The following GPR158 variants were observed in gnomAD, a reference collection of about 807,000 sequenced individuals.
GPR158 encodes the protein metabotropic glycine receptor.
In GPR158, 30 loss-of-function variants were observed where a neutral mutation model predicts 78.2. The observed-to-expected ratio is 0.38, with a 90% CI of 0.29 to 0.52. The LOEUF is 0.52. Among genes scored for constraint, GPR158 ranks in the 20% least tolerant of loss-of-function variants. GPR158 has a pLI of 0.83. For synonymous variants in GPR158, 581 were observed against 591.1 expected (o/e 0.98, Z 0.25); for missense variants, 1,463 against 1,523.5 (o/e 0.96, Z 0.66).
At chr10:25,202,815 T>C (rs1338988505) in intron 1 of GPR158, among the ~76,000 whole-genome samples, 1 of 152,174 alleles carries the variant, frequency 6.6e-6, no homozygotes, top group African/African-American at 2.4e-5. Flanking sequence ...TTCTAGATCC[T>C]TGAGGAATCA....
Position 25,175,749 on chromosome 10 carries a change from G to T in GPR158, c.329G>T (p.Gly110Val). ...CGCTACGAGTTGGCGGGCCTGCCGGGGAAGTGGCCAGCCCTGGCCAGCGCG... is the reference window on the plus strand; with the variant it reads ...CGCTACGAGTTGGCGGGCCTGCCGGTGAAGTGGCCAGCCCTGGCCAGCGCG... ...SGRYELAGLP[G>V]KWPALASAHP... The change falls in exon 1 of 11, where the codon GGG becomes GTG. Residue 110 changes from glycine to valine, a missense_variant. Gly to Val is a moderately radical substitution (Grantham distance 109). Coordinates refer to ENST00000376351, the MANE Select transcript of GPR158 (RefSeq NM_020752.3). This position sits in a 1 kb window ranked among gnomAD's most constrained non-coding sequence, Gnocchi z 6.4. 2 of 1,611,450 alleles carry T rather than the reference G, an allele frequency of 1.2e-6. No homozygotes were observed. The highest frequency in any genetic ancestry group is 1.1e-5 in the South Asian group (1 of 91,062).
At chr10:25,449,617 T>A (rs1588869784) in intron 4 of GPR158, among the ~76,000 whole-genome samples, 1 of 152,218 alleles carries the variant, frequency 6.6e-6, no homozygotes, top group African/African-American at 2.4e-5. Context: ...TGGAAGATGT[T>A]GGTCAAAGGA....
At chr10:25,424,350 G>T (rs1403360213) in intron 4 of GPR158, among the ~76,000 whole-genome samples, 1 of 152,024 alleles carries the variant, frequency 6.6e-6, no homozygotes, top group African/African-American at 2.4e-5. Context: ...CTGATGGCAT[G>T]GCAGTTTCTT....
At chr10:25,536,246 TAAAG>T (rs1452039221) in intron 5 of GPR158, among the ~76,000 whole-genome samples, 2 of 152,268 alleles carry the variant, frequency 1.3e-5, no homozygotes, top group South Asian at 2.1e-4. Flanking sequence ...ATTTCTTTAT[TAAAG>T]AAAATTCATT....
intron 5 of GPR158, among the ~76,000 whole-genome samples, chr10:25,497,264 G>A (rs1281384181): frequency 6.6e-6 from 1 of 152,096 alleles, no homozygotes; most frequent in Non-Finnish European, 1.5e-5. Flanking sequence ...AGTGTCCTAG[G>A]GTTAAGTAAA....
At chr10:25,526,102 C>CT (rs1318529690) in intron 5 of GPR158, among the ~76,000 whole-genome samples, 1 of 36,684 alleles carries the variant, frequency 2.7e-5, no homozygotes. Flanking sequence ...CCAATTTTGT[C>CT]TAAAAAAAAA....
intron 2 of GPR158, among the ~76,000 whole-genome samples, chr10:25,281,409 C>CAAAAAAAAAA (rs749627659): frequency 2.9e-5 from 2 of 68,478 alleles, no homozygotes; most frequent in Admixed American, 1.4e-4. Flanking sequence ...ACCAAAAATA[C>CAAAAAAAAAA]AAAAAAAAAA....
At chr10:25,452,839 A>G (rs1835239760) in intron 4 of GPR158, among the ~76,000 whole-genome samples, 1 of 152,166 alleles carries the variant, frequency 6.6e-6, no homozygotes, top group Admixed American at 6.6e-5. Flanking sequence ...GAACTTATTC[A>G]TCTTATAACT....
At chr10:25,264,236 C>T (rs1291009568) in intron 2 of GPR158, among the ~76,000 whole-genome samples, 1 of 152,164 alleles carries the variant, frequency 6.6e-6, no homozygotes, top group South Asian at 2.1e-4. Context: ...ATTGATGCTG[C>T]ACATCTCCCA....
chr10:25,573,617 C>T (rs565063098), intron 7 of GPR158, among the ~76,000 whole-genome samples: 169 of 152,302 alleles, frequency 1.1e-3, no homozygotes, highest in African/African-American at 4.0e-3. Context: ...AAACTACGTC[C>T]CTAAACATAC....
intron 5 of GPR158, among the ~76,000 whole-genome samples, chr10:25,490,803 T>C (rs1033682519): frequency 2.6e-5 from 4 of 151,672 alleles, no homozygotes; most frequent in African/African-American, 9.7e-5. Flanking sequence ...TTTGGGTATA[T>C]ACCCAGTAAT....
intron 1 of GPR158, among the ~76,000 whole-genome samples, chr10:25,185,678 C>T (rs1852674232): frequency 6.6e-6 from 1 of 152,088 alleles, no homozygotes; most frequent in South Asian, 2.1e-4. Context: ...AAAAAATTAG[C>T]CAGGCGTGGT....
At chr10:25,448,312 G>T (rs533822372) in intron 4 of GPR158, among the ~76,000 whole-genome samples, 3 of 151,770 alleles carry the variant, frequency 2.0e-5, no homozygotes, top group South Asian at 2.1e-4. Flanking sequence ...GGATGGTCTC[G>T]ATCTTCTGAC....
At chr10:25,232,550 G>T (rs1279386959) in intron 2 of GPR158, among the ~76,000 whole-genome samples, 1 of 152,128 alleles carries the variant, frequency 6.6e-6, no homozygotes, top group Non-Finnish European at 1.5e-5. Flanking sequence ...TAAGATGAAA[G>T]GCCTTATTTC....
intron 2 of GPR158, among the ~76,000 whole-genome samples, chr10:25,368,302 C>T (rs553505027): frequency 2.0e-5 from 3 of 151,474 alleles, no homozygotes; most frequent in Non-Finnish European, 2.9e-5. Context: ...TTAGAGTAAA[C>T]AGACAACCTA....
chr10:25,597,988 A>G lies in GPR158; in HGVS notation c.2362A>G (p.Ile788Val). 1.2e-6 allele frequency: 2 copies of G among 1,614,136 alleles called. No individual in the cohort carries two copies. The highest frequency in any genetic ancestry group is 1.7e-6 in the Non-Finnish European group (2 of 1,179,998). Residue 788 changes from isoleucine (I) to valine (V), a missense_variant, in exon 11 of 11, where the codon ATC becomes GTC. Ile to Val is a conservative substitution (Grantham distance 29). Coordinates refer to ENST00000376351, the MANE Select transcript of GPR158 (RefSeq NM_020752.3). ...TGGCACAGCCAAAGGCACTGCCCTC[A>G]TCAGGAAGAACCCCCCAGAGTCTTC... is the stretch of plus-strand genomic sequence containing the variant. ...DHGTAKGTALIRKNPPESSGN... is the reference protein window; with the variant it reads ...DHGTAKGTALVRKNPPESSGN...
intron 2 of GPR158, among the ~76,000 whole-genome samples, chr10:25,372,346 T>C (rs1029024378): frequency 1.3e-5 from 2 of 151,710 alleles, no homozygotes; most frequent in African/African-American, 4.8e-5. Flanking sequence ...GACCCAGCCA[T>C]CCCATTACTG....
At chr10:25,226,888 AG>A (rs1435870957) in intron 2 of GPR158, among the ~76,000 whole-genome samples, 3 of 152,200 alleles carry the variant, frequency 2.0e-5, no homozygotes, top group East Asian at 3.8e-4. Context: ...GTTGCCTTTC[AG>A]GTATTTGAAG....
intron 3 of GPR158, among the ~76,000 whole-genome samples, chr10:25,406,160 C>A (rs1489191782): frequency 6.6e-6 from 1 of 152,116 alleles, no homozygotes; most frequent in East Asian, 1.9e-4. Context: ...TTCTTTTCTG[C>A]CTCAGGGCTG....
Sources: gnomAD v4.1 joint callset for allele counts (sites outside exome capture counted in the v4.1 genomes callset) on GRCh38, gnomAD v4.1.1 for gene constraint, Gnocchi (gnomAD v3.1) non-coding constraint, MANE v1.5 for transcripts, NCBI Gene and HGNC (gene_info 2026-07-23, HGNC 2026-07-21) for gene names.